The following RBFOX1 variants were observed in gnomAD, a reference collection of about 807,000 sequenced individuals.
RBFOX1 encodes RNA binding fox-1 homolog 1.
A neutral mutation model predicts 57.7 loss-of-function variants in RBFOX1; 8 were observed. The observed-to-expected ratio is 0.14, with a 90% CI of 0.08 to 0.25. The LOEUF is 0.25. RBFOX1 is among the 10% of genes least tolerant of loss of function. RBFOX1 has a pLI of 1.00. For missense variants in RBFOX1, 611 were observed against 548.5 expected (o/e 1.11, Z -1.14); for synonymous variants, 326 against 222.4 (o/e 1.47, Z -4.15).
At chr16:5,917,977 T>C (rs1423017547) in intron 4 of RBFOX1, among the ~76,000 whole-genome samples, 1 of 152,092 alleles carries the variant, frequency 6.6e-6, no homozygotes, top group Non-Finnish European at 1.5e-5. Flanking sequence ...CAAGTTATGC[T>C]CTCCCCACCT....
chr16:6,367,406 G>T (rs1374230485), intron 2 of RBFOX1, among the ~76,000 whole-genome samples: 1 of 152,062 alleles, frequency 6.6e-6, no homozygotes, highest in Non-Finnish European at 1.5e-5. Context: ...GAGTAGCTGG[G>T]ATTACAGGCA....
At chr16:7,358,883 G>T (rs929930701) in intron 4 of RBFOX1, among the ~76,000 whole-genome samples, 2 of 152,202 alleles carry the variant, frequency 1.3e-5, no homozygotes, top group African/African-American at 4.8e-5. Flanking sequence ...GACAAGACAT[G>T]AGACAGTAAG....
chr16:7,330,490 GTGTGTGTGTGTGTGTGTGTT>G lies in RBFOX1; in HGVS notation c.28-187641_28-187622del, dbSNP rs1177149085. ...GAGAGCTCTGTGTGTGTGTGTGTGT[GTGTGTGTGTGTGTGTGTGTT>G]TGTGTGTGTGTGTGTAGAGAGAGAG... On this transcript the variant is annotated intron_variant, in intron 4 of 15. Coordinates refer to ENST00000550418, the MANE Select transcript of RBFOX1 (RefSeq NM_018723.4). Among the ~76,000 whole-genome samples the G allele has an allele frequency of 6.3e-3, 772 of 122,188 alleles. 5 individuals carry two copies. Among genetic ancestry groups the G allele is most frequent in the African/African-American group, 0.013 (335 of 25,636 alleles). The allele number at this position is 122,188 out of a possible 152,430, so 80.2% of individuals were successfully genotyped here.
chr16:6,619,687 C>CTTTTTTTTTTTTTTTT (rs34849467), intron 2 of RBFOX1, among the ~76,000 whole-genome samples: 2 of 117,948 alleles, frequency 1.7e-5, no homozygotes, highest in Non-Finnish European at 1.7e-5. Context: ...TGTTGGTTTC[C>CTTTTTTTTTTTTTTTT]TTTTTTTTTT....
rs146278964 is a variant in RBFOX1, at chr16:7,189,013, C to G, written c.27+136915C>G. ...CAAGAACATCAGGCTAGAGGCAAGT[C>G]AAGACCTTAAGGCATTTGGAGGTGA... On this transcript the variant is annotated intron_variant, in intron 4 of 15. Transcript: ENST00000550418. Among the ~76,000 whole-genome samples, 217 of 152,204 alleles carry G rather than the reference C, an allele frequency of 1.4e-3. 2 individuals are homozygous for G. The highest frequency in any genetic ancestry group is 2.4e-3 in the Non-Finnish European group (162 of 68,014).
At chr16:6,791,796 G>A (rs1278868249) in intron 3 of RBFOX1, among the ~76,000 whole-genome samples, 1 of 152,088 alleles carries the variant, frequency 6.6e-6, no homozygotes, top group African/African-American at 2.4e-5. Context: ...GACCCTTTGA[G>A]TGGCATCCCT....
At chr16:6,970,527 A>T (rs911911046) in intron 3 of RBFOX1, among the ~76,000 whole-genome samples, 1 of 152,132 alleles carries the variant, frequency 6.6e-6, no homozygotes, top group African/African-American at 2.4e-5. Flanking sequence ...CAGTAGATTC[A>T]GTGTCCGGTG....
At chr16:5,982,393 G>C (rs569389516) in intron 4 of RBFOX1, among the ~76,000 whole-genome samples, 1 of 151,924 alleles carries the variant, frequency 6.6e-6, no homozygotes, top group Non-Finnish European at 1.5e-5. Context: ...CCCTTCCTCA[G>C]CCTCCCAAGT....
At chr16:6,139,734 T>G (rs561315030) in intron 1 of RBFOX1, among the ~76,000 whole-genome samples, 1 of 152,334 alleles carries the variant, frequency 6.6e-6, no homozygotes, top group African/African-American at 2.4e-5. Context: ...CTCTTTCTGT[T>G]TCTTGGTCGT....
chr16:6,201,215 C>T (rs978162580), intron 1 of RBFOX1, among the ~76,000 whole-genome samples: 2 of 152,134 alleles, frequency 1.3e-5, no homozygotes, highest in Non-Finnish European at 2.9e-5. Flanking sequence ...CGTTAGTGGA[C>T]ATGAAGGTGG....
At chr16:5,752,686 A>G (rs2053252358) in intron 3 of RBFOX1, among the ~76,000 whole-genome samples, 1 of 152,214 alleles carries the variant, frequency 6.6e-6, no homozygotes, top group South Asian at 2.1e-4. Context: ...ATAATAAGAG[A>G]ACCCTCTTAG....
intron 1 of RBFOX1, among the ~76,000 whole-genome samples, chr16:5,338,560 A>C (rs8043630): frequency 0.024 from 3,665 of 152,248 alleles, 150 homozygotes; most frequent in African/African-American, 0.083. Context: ...CATGTTTTTT[A>C]TGACTGAACA....
At chr16:5,833,782 G>T (rs1386064027) in intron 3 of RBFOX1, among the ~76,000 whole-genome samples, 1 of 149,496 alleles carries the variant, frequency 6.7e-6, no homozygotes, top group African/African-American at 2.5e-5. Flanking sequence ...TTTCTACTTA[G>T]TTAGCCCTTT....
chr16:6,518,151 G>C (rs1466664486), intron 2 of RBFOX1, among the ~76,000 whole-genome samples: 7 of 152,184 alleles, frequency 4.6e-5, no homozygotes, highest in African/African-American at 1.7e-4. Context: ...GGAAGTCTAA[G>C]TGGATGAGAT....
At chr16:7,519,571 A>C (rs559502066) in intron 5 of RBFOX1, 3 of 300,068 alleles carry the variant, frequency 1.0e-5, no homozygotes, top group Non-Finnish European at 1.5e-5. Context: ...CATAAAATTA[A>C]ATAATGTTCA....
At chr16:7,540,995 G>A (rs968307160) in intron 5 of RBFOX1, among the ~76,000 whole-genome samples, 3 of 152,144 alleles carry the variant, frequency 2.0e-5, no homozygotes, top group African/African-American at 7.2e-5. Context: ...TCTCTCAGAG[G>A]TTCAAGTGAG....
chr16:5,947,080 G>C lies in RBFOX1; in HGVS notation c.351+79745G>C, dbSNP rs972096212. On this transcript the variant is annotated intron_variant, in intron 4 of 19. Coordinates refer to the RBFOX1 transcript ENST00000641259. This position sits in a 1 kb window ranked among gnomAD's most constrained non-coding sequence, Gnocchi z 7.2. ...AAGTGAAAATAAAATCATCCCATGT[G>C]GTTGTGCATACTGTAGTCCCAGATA... Among the ~76,000 whole-genome samples, 1 of 152,110 alleles carries C rather than the reference G, an allele frequency of 6.6e-6. No individual in the cohort carries two copies. Among genetic ancestry groups the C allele is most frequent in the African/African-American group, 2.4e-5 (1 of 41,428 alleles).
intron 3 of RBFOX1, among the ~76,000 whole-genome samples, chr16:6,871,261 C>G (rs973947732): frequency 1.3e-5 from 2 of 152,198 alleles, no homozygotes; most frequent in Non-Finnish European, 2.9e-5. Flanking sequence ...TCTCGGCTCA[C>G]TCTAACCTCC....
chr16:7,245,121 C>G (rs569486132), intron 4 of RBFOX1, among the ~76,000 whole-genome samples: 92 of 152,178 alleles, frequency 6.0e-4, no homozygotes, highest in African/African-American at 2.0e-3. Flanking sequence ...ATTGTTGTTA[C>G]TTAGTCTAGA....
Sources: gnomAD v4.1 joint callset for allele counts (sites outside exome capture counted in the v4.1 genomes callset) on GRCh38, gnomAD v4.1.1 for gene constraint, Gnocchi (gnomAD v3.1) non-coding constraint, MANE v1.5 for transcripts, NCBI Gene and HGNC (gene_info 2026-07-23, HGNC 2026-07-21) for gene names.